Variants in ELL2 observed in about 807,000 individuals in gnomAD.
The protein encoded by ELL2 is RNA polymerase II elongation factor ELL2.
ELL2 carries 21 observed loss-of-function variants against 72.8 expected under a neutral mutation model. That is an observed-to-expected ratio of 0.29 (90% CI 0.20 to 0.42). ELL2 has a LOEUF of 0.42. ELL2 is among the 10% of genes least tolerant of loss of function. The pLI is 1.00. For missense variants in ELL2, 568 were observed against 772.8 expected (o/e 0.73, Z 3.14); for synonymous variants, 266 against 283.2 (o/e 0.94, Z 0.61).
chr5:95,889,209 G>T (rs1748570230), intron 10 of ELL2, 79 bp from the exon 11 acceptor site: 2 of 1,119,328 alleles, frequency 1.8e-6, no homozygotes, highest in Non-Finnish European at 2.6e-6. Flanking sequence ...CATGCATTCA[G>T]CAAGAGTATA....
At position 95,947,836 on chromosome 5, in the gene ELL2, T is replaced by C. The variant is rs187487638; in HGVS notation, c.148-4787A>G. ...TATAATTTCCAAAAAAACTAAAGTA[T>C]AATTTAGTTCAGTTTCTGATTAAAA... On this transcript the variant is annotated intron_variant, in intron 1 of 11. Coordinates refer to ENST00000237853, the MANE Select transcript of ELL2 (RefSeq NM_012081.6). 3.8e-3 allele frequency among the ~76,000 whole-genome samples: 570 copies of C among 151,920 alleles called. 5 individuals are homozygous for C. The highest frequency in any genetic ancestry group is 0.013 in the African/African-American group (535 of 41,316).
intron 2 of ELL2, among the ~76,000 whole-genome samples, chr5:95,933,248 T>C (rs943501037): frequency 6.6e-6 from 1 of 152,218 alleles, no homozygotes; most frequent in Non-Finnish European, 1.5e-5. Flanking sequence ...TGACAGTTAT[T>C]GAAAACTTTA....
chr5:95,938,917 C>G (rs1750873903), intron 2 of ELL2, among the ~76,000 whole-genome samples: 1 of 152,018 alleles, frequency 6.6e-6, no homozygotes, highest in African/African-American at 2.4e-5. Context: ...TTCTCACTGC[C>G]CTGGGGAAAT....
At chr5:95,944,182 A>G (rs1751071902) in intron 1 of ELL2, among the ~76,000 whole-genome samples, 1 of 152,244 alleles carries the variant, frequency 6.6e-6, no homozygotes, top group African/African-American at 2.4e-5. Context: ...AATAGGGATT[A>G]TAATAAATGA....
intron 1 of ELL2, among the ~76,000 whole-genome samples, chr5:95,960,060 G>C (rs916465852): frequency 6.6e-6 from 1 of 151,886 alleles, no homozygotes; most frequent in Non-Finnish European, 1.5e-5. Context: ...CTCTGCCTTC[G>C]CTCTATGTAT....
intron 1 of ELL2, 34 bp downstream of exon 1, chr5:95,961,539 CCT>C (rs756247914): frequency 2.0e-5 from 31 of 1,530,068 alleles, no homozygotes; most frequent in Non-Finnish European, 2.5e-5. Context: ...GTGCGCTCTG[CCT>C]CTCTGAGCCC....
intron 1 of ELL2, among the ~76,000 whole-genome samples, chr5:95,961,113 G>C: frequency 6.6e-6 from 1 of 152,104 alleles, no homozygotes; most frequent in East Asian, 1.9e-4. Context: ...TGTCTCTGAG[G>C]ATCCACCGTG....
intron 2 of ELL2, among the ~76,000 whole-genome samples, chr5:95,940,290 C>G (rs1750923791): frequency 6.6e-6 from 1 of 152,228 alleles, no homozygotes; most frequent in African/African-American, 2.4e-5. Context: ...AATTTCTACT[C>G]TTTAGCAGCA....
intron 4 of ELL2, 200 bp downstream of exon 4, chr5:95,913,571 C>A: frequency 2.0e-6 from 1 of 488,932 alleles, no homozygotes; most frequent in Non-Finnish European, 3.4e-6. Context: ...TTAGGAAAGT[C>A]ATAGAACTTT....
At chr5:95,896,260 C>G (rs1160893468) in intron 8 of ELL2, among the ~76,000 whole-genome samples, 1 of 149,050 alleles carries the variant, frequency 6.7e-6, no homozygotes, top group Non-Finnish European at 1.5e-5. Flanking sequence ...TAATCTCTAG[C>G]ACTCATAACA....
intron 1 of ELL2, among the ~76,000 whole-genome samples, chr5:95,960,513 T>G (rs1239451521): frequency 6.6e-6 from 1 of 150,980 alleles, no homozygotes; most frequent in Non-Finnish European, 1.5e-5. Context: ...ACTGGAGGGG[T>G]GTGTGTGTAT....
At chr5:95,935,576 C>A (rs1231160802) in intron 2 of ELL2, among the ~76,000 whole-genome samples, 1 of 152,106 alleles carries the variant, frequency 6.6e-6, no homozygotes, top group African/African-American at 2.4e-5. Flanking sequence ...ATAAAATGTC[C>A]TTTGGAGTTG....
intron 3 of ELL2, among the ~76,000 whole-genome samples, chr5:95,916,830 T>C (rs1419336953): frequency 1.5e-5 from 2 of 135,162 alleles, no homozygotes; most frequent in Non-Finnish European, 3.2e-5. Context: ...GGGGGGAGAG[T>C]GGGAGAAAAT....
chr5:95,900,134 A>C (rs1291362829), intron 7 of ELL2: 1 of 152,148 alleles, frequency 6.6e-6, no homozygotes, highest in African/African-American at 2.4e-5. Context: ...TCACTCTAGT[A>C]CTGCCTAGGA....
At chr5:95,904,817 GAAAGGGAA>G (rs1749293231) in intron 5 of ELL2, among the ~76,000 whole-genome samples, 2 of 152,140 alleles carry the variant, frequency 1.3e-5, no homozygotes, top group Admixed American at 1.3e-4. Context: ...CAATGTTCAG[GAAAGGGAA>G]TTTAGGTATA....
intron 1 of ELL2, among the ~76,000 whole-genome samples, chr5:95,943,903 A>T (rs933660605): frequency 1.3e-5 from 2 of 152,258 alleles, no homozygotes; most frequent in Admixed American, 6.5e-5. Context: ...AGTCACCAGC[A>T]TATTTTTCTA....
intron 2 of ELL2, among the ~76,000 whole-genome samples, chr5:95,936,554 G>A (rs748502632): frequency 1.9e-4 from 29 of 152,056 alleles, no homozygotes; most frequent in Admixed American, 3.3e-4. Context: ...AGGCTGAGGC[G>A]GGAGGATCGC....
In ELL2 at chr5:95,961,076, A is replaced by AC. The variant is rs527861360; in HGVS notation, c.147+498dup. Among the ~76,000 whole-genome samples, 101 of 147,572 alleles carry AC rather than the reference A, an allele frequency of 6.8e-4. 1 individual carries two copies. The highest frequency in any genetic ancestry group is 2.4e-3 in the African/African-American group (94 of 38,552). ...CAAGTCCCTGGGAATACAAGGTCCC[A>AC]CCCCCACACGCGGAGCGCCTGTGTC... On this transcript the variant is annotated intron_variant, in intron 1 of 11. Coordinates refer to ENST00000237853, the MANE Select transcript of ELL2 (RefSeq NM_012081.6).
chr5:95,943,832 A>G (rs539334663), intron 1 of ELL2, among the ~76,000 whole-genome samples: 1 of 152,346 alleles, frequency 6.6e-6, no homozygotes, highest in African/African-American at 2.4e-5. Context: ...TTGTGCATTT[A>G]GAAGAAAAGC....
Sources: allele counts gnomAD v4.1 joint callset (sites outside exome capture counted in the v4.1 genomes callset), GRCh38; gene constraint gnomAD v4.1.1; transcripts MANE v1.5; gene names NCBI Gene and HGNC (gene_info 2026-07-23, HGNC 2026-07-21).